The following SPOCK1 variants were observed in gnomAD, a reference collection of about 807,000 sequenced individuals.
The protein encoded by SPOCK1 is SPARC (osteonectin), cwcv and kazal like domains proteoglycan 1.
SPOCK1 carries 23 observed loss-of-function variants against 55.3 expected under a neutral mutation model. That is an observed-to-expected ratio of 0.42 (90% CI 0.30 to 0.59). The LOEUF is 0.59. SPOCK1 is among the 20% of genes least tolerant of loss of function. The pLI is 0.22. For synonymous variants in SPOCK1, 226 were observed against 221.0 expected, an observed-to-expected ratio of 1.02 and a Z score of -0.20; for missense variants, 499 against 552.5, an observed-to-expected ratio of 0.90 and a Z score of 0.97.
At chr5:137,471,597 C>T (rs1753739707) in intron 2 of SPOCK1, among the ~76,000 whole-genome samples, 1 of 152,194 alleles carries the variant, frequency 6.6e-6, no homozygotes, top group Non-Finnish European at 1.5e-5. Context: ...GGCTAACAAA[C>T]ATTGCTGGAG....
At chr5:137,051,972 C>T (rs1272617268) in intron 6 of SPOCK1, among the ~76,000 whole-genome samples, 1 of 152,206 alleles carries the variant, frequency 6.6e-6, no homozygotes, top group Admixed American at 6.5e-5. Context: ...CCATGCGTGA[C>T]TGTACTCAGA....
intron 2 of SPOCK1, among the ~76,000 whole-genome samples, chr5:137,409,947 G>A (rs62374203): frequency 0.039 from 5,885 of 152,294 alleles, 127 homozygotes; most frequent in Non-Finnish European, 0.055. Flanking sequence ...TTCAGGCCAG[G>A]GCTGAGTACT....
chr5:137,362,479 G>A (rs773931024), intron 2 of SPOCK1, among the ~76,000 whole-genome samples: 3 of 151,670 alleles, frequency 2.0e-5, no homozygotes, highest in South Asian at 2.1e-4. Context: ...ACAGGCGCCC[G>A]CCACCACGCC....
At chr5:137,378,248 C>G (rs947213516) in intron 2 of SPOCK1, among the ~76,000 whole-genome samples, 1 of 152,170 alleles carries the variant, frequency 6.6e-6, no homozygotes, top group Non-Finnish European at 1.5e-5. Context: ...CTGGCCTTCC[C>G]TTCCATTTCT....
intron 3 of SPOCK1, among the ~76,000 whole-genome samples, chr5:137,148,821 C>T (rs1248148269): frequency 2.6e-5 from 4 of 152,092 alleles, no homozygotes; most frequent in South Asian, 2.1e-4. Context: ...TTAATCTTGG[C>T]GAGTCTCACA....
intron 2 of SPOCK1, among the ~76,000 whole-genome samples, chr5:137,420,446 A>G (rs1752461692): frequency 6.6e-6 from 1 of 152,104 alleles, no homozygotes; most frequent in Non-Finnish European, 1.5e-5. Flanking sequence ...TTTGGTTGGT[A>G]AGCTATTAAT....
intron 6 of SPOCK1, among the ~76,000 whole-genome samples, chr5:137,057,561 T>G (rs1752323920): frequency 6.6e-6 from 1 of 152,204 alleles, no homozygotes; most frequent in South Asian, 2.1e-4. Context: ...AAAAGTTATA[T>G]TTTGTGAACT....
intron 5 of SPOCK1, among the ~76,000 whole-genome samples, chr5:137,093,617 G>T (rs781513231): frequency 6.6e-6 from 1 of 152,194 alleles, no homozygotes; most frequent in Non-Finnish European, 1.5e-5. Context: ...AGACAGCTCT[G>T]TTGTGTGGTG....
intron 6 of SPOCK1, among the ~76,000 whole-genome samples, chr5:137,036,482 CTGTT>C (rs1474899880): frequency 1.3e-5 from 2 of 152,180 alleles, no homozygotes; most frequent in African/African-American, 4.8e-5. Flanking sequence ...AACTATCAAC[CTGTT>C]TGTTTATCTG....
intron 2 of SPOCK1, among the ~76,000 whole-genome samples, chr5:137,280,564 C>G (rs946511770): frequency 6.6e-6 from 1 of 152,200 alleles, no homozygotes; most frequent in African/African-American, 2.4e-5. Context: ...TGAACACAAA[C>G]AGTAATTATG....
intron 2 of SPOCK1, among the ~76,000 whole-genome samples, chr5:137,417,447 T>A (rs1752362949): frequency 2.6e-5 from 4 of 151,898 alleles, no homozygotes. Context: ...ACATACACTG[T>A]GTAACCACCA....
intron 2 of SPOCK1, among the ~76,000 whole-genome samples, chr5:137,488,452 T>G (rs1278538406): frequency 6.6e-6 from 1 of 152,214 alleles, no homozygotes; most frequent in Non-Finnish European, 1.5e-5. Context: ...TGCTAAAGCC[T>G]ATGCTCTGGA....
At position 137,083,529 on chromosome 5, in the gene SPOCK1, G is replaced by A. The variant is rs140703502; in HGVS notation, c.475-15700C>T. The stretch of plus-strand genomic sequence containing the variant: ...TTTGTTGACCACCTATTATGGGCTA[G>A]GCAGTGCTCTGGTTGCTAGGGATAC... On this transcript the variant is annotated intron_variant, in intron 5 of 10. Transcript: ENST00000394945. 8.1e-4 allele frequency among the ~76,000 whole-genome samples: 124 copies of A among 152,324 alleles called. 4 individuals are homozygous for A. In the East Asian group the frequency reaches 0.023, roughly 28 times the overall value.
chr5:137,451,557 C>G (rs1436298669), intron 2 of SPOCK1, among the ~76,000 whole-genome samples: 1 of 152,190 alleles, frequency 6.6e-6, no homozygotes, highest in African/African-American at 2.4e-5. Context: ...ACTAATCCAG[C>G]TAATGTGCTT....
chr5:137,142,796 C>G (rs909046131), intron 3 of SPOCK1, among the ~76,000 whole-genome samples: 1 of 152,186 alleles, frequency 6.6e-6, no homozygotes, highest in African/African-American at 2.4e-5. Flanking sequence ...CTTTTGGTTC[C>G]TGGGGATGTC....
At chr5:137,209,020 C>A (rs1019803398) in intron 3 of SPOCK1, among the ~76,000 whole-genome samples, 9 of 152,212 alleles carry the variant, frequency 5.9e-5, no homozygotes, top group African/African-American at 2.2e-4. Context: ...CTCCTAGCCC[C>A]TTTTGACCTC....
At chr5:137,375,497 G>A (rs969383643) in intron 2 of SPOCK1, among the ~76,000 whole-genome samples, 1 of 152,212 alleles carries the variant, frequency 6.6e-6, no homozygotes, top group Non-Finnish European at 1.5e-5. Context: ...TGGATAAGGT[G>A]ATAAGGTTAC....
intron 2 of SPOCK1, among the ~76,000 whole-genome samples, chr5:137,324,461 G>A (rs1758037381): frequency 6.6e-6 from 1 of 151,936 alleles, no homozygotes; most frequent in African/African-American, 2.4e-5. Context: ...AAGAGAGAGA[G>A]AAAATCTTAC....
chr5:137,363,550 C>T (rs571714497), intron 2 of SPOCK1, among the ~76,000 whole-genome samples: 24 of 152,268 alleles, frequency 1.6e-4, no homozygotes, highest in African/African-American at 5.3e-4. Context: ...AAATGACCAA[C>T]CTGCTCTAAA....
Sources: gnomAD v4.1 joint callset for allele counts (sites outside exome capture counted in the v4.1 genomes callset) on GRCh38, gnomAD v4.1.1 for gene constraint, MANE v1.5 for transcripts, NCBI Gene and HGNC (gene_info 2026-07-23, HGNC 2026-07-21) for gene names.